Variants in SIM1 observed in about 807,000 individuals in gnomAD.
The protein encoded by SIM1 is single-minded homolog 1.
A neutral mutation model predicts 78.2 loss-of-function variants in SIM1; 18 were observed. The observed-to-expected ratio is 0.23, with a 90% confidence interval of 0.16 to 0.34. SIM1 has a LOEUF of 0.34. Ranked by LOEUF, SIM1 falls within the 10% of genes least tolerant of loss-of-function variation. SIM1 has a pLI of 1.00. For missense variants in SIM1, 939 were observed against 975.1 expected, an observed-to-expected ratio of 0.96 and a Z score of 0.49; for synonymous variants, 417 against 385.2, an observed-to-expected ratio of 1.08 and a Z score of -0.97.
Position 100,450,363 on chromosome 6 carries a change from AG to A in SIM1, c.259-8del, listed in dbSNP as rs1772476338. The A allele has an allele frequency of 6.2e-7, 1 of 1,613,232 alleles. No homozygotes were observed. The highest frequency in any genetic ancestry group is 8.5e-7 in the Non-Finnish European group (1 of 1,179,432). On this transcript the variant is annotated splice_polypyrimidine_tract_variant and splice_region_variant and intron_variant, in intron 3 of 11. Transcript: ENST00000369208. ...AGATGAAGCCATCCAGGGTCTGGGG[AG>A]GCACAAATAGAGAGAATAGAGAGCC...
chr6:100,449,669 A>T lies in SIM1; in HGVS notation c.379T>A (p.Tyr127Asn). The T allele has an allele frequency of 6.2e-7, 1 of 1,614,014 alleles. No individual in the cohort carries two copies. Among genetic ancestry groups the T allele is most frequent in the South Asian group, 1.1e-5 (1 of 91,084 alleles). The change falls in exon 5 of 12, where the codon TAC becomes AAC. Residue 127 changes from tyrosine to asparagine, a missense_variant. Tyr to Asn is a moderately radical substitution (Grantham distance 143, BLOSUM62 -2). This residue lies in a region of SIM1 where 9 missense variants were observed against 28.5 expected (regional missense o/e 0.32). Coordinates refer to ENST00000369208, the MANE Select transcript of SIM1 (RefSeq NM_005068.3). ...TCGTCGTGGTCTGCCGGGTGAATGTATTCATAAATGCTGTTTCCGGTCAGC... is the reference window on the plus strand; with the variant it reads ...TCGTCGTGGTCTGCCGGGTGAATGTTTTCATAAATGCTGTTTCCGGTCAGC... The part of the protein sequence containing the change: ...VELTGNSIYE[Y>N]IHPADHDEMT...
intron 9 of SIM1, among the ~76,000 whole-genome samples, chr6:100,429,876 G>T (rs548565593): frequency 6.6e-6 from 1 of 152,088 alleles, no homozygotes; most frequent in African/African-American, 2.4e-5. Context: ...TTTTCTCAAG[G>T]TTCAGCTCCT....
At chr6:100,445,404 A>T (rs1772329022) in intron 9 of SIM1, among the ~76,000 whole-genome samples, 1 of 152,192 alleles carries the variant, frequency 6.6e-6, no homozygotes, top group South Asian at 2.1e-4. Flanking sequence ...ATGTTTTAAC[A>T]ATGTGCACCA....
intron 9 of SIM1, among the ~76,000 whole-genome samples, chr6:100,430,967 G>A (rs1409805298): frequency 6.6e-6 from 1 of 152,050 alleles, no homozygotes; most frequent in Admixed American, 6.6e-5. Context: ...CATACCCAAG[G>A]CCACAGAGTC....
intron 9 of SIM1, among the ~76,000 whole-genome samples, chr6:100,443,416 C>T (rs1772265168): frequency 1.3e-5 from 2 of 152,102 alleles, no homozygotes; most frequent in African/African-American, 2.4e-5. Context: ...AAATTACTCA[C>T]TAAATCTATT....
chr6:100,446,695 G>A (rs1349794753), intron 9 of SIM1, among the ~76,000 whole-genome samples: 1 of 152,180 alleles, frequency 6.6e-6, no homozygotes, highest in Non-Finnish European at 1.5e-5. Flanking sequence ...TACGCCCCGC[G>A]CGGGGCCTGG....
intron 8 of SIM1, 115 bp downstream of exon 8, chr6:100,448,031 C>A: frequency 1.3e-6 from 1 of 786,908 alleles, no homozygotes; most frequent in Non-Finnish European, 2.0e-6. Context: ...CACCACCACC[C>A]GGCTCCCTGG....
At chr6:100,448,825 G>A in intron 6 of SIM1, 147 bp from the exon 7 acceptor site, 3 of 679,874 alleles carry the variant, frequency 4.4e-6, no homozygotes, top group Non-Finnish European at 7.3e-6. Flanking sequence ...AAAGTTACTG[G>A]TGCTCTAAGG....
At chr6:100,429,280 G>C (rs187470565) in intron 9 of SIM1, among the ~76,000 whole-genome samples, 1 of 151,424 alleles carries the variant, frequency 6.6e-6, no homozygotes, top group Admixed American at 6.6e-5. Context: ...TGAGGCAGGA[G>C]AATCGCTTGA....
chr6:100,420,340 T>C (rs1771540926), intron 10 of SIM1, among the ~76,000 whole-genome samples: 1 of 152,186 alleles, frequency 6.6e-6, no homozygotes, highest in African/African-American at 2.4e-5. Context: ...AAATAGCCAG[T>C]CTGTGTTCAA....
intron 9 of SIM1, among the ~76,000 whole-genome samples, chr6:100,435,444 T>G (rs1262265169): frequency 6.6e-6 from 1 of 152,144 alleles, no homozygotes; most frequent in African/African-American, 2.4e-5. Flanking sequence ...CTAGCTATGT[T>G]GTATTGGCTG....
At chr6:100,446,834 T>TTTC (rs1167930661) in intron 9 of SIM1, among the ~76,000 whole-genome samples, 1 of 152,196 alleles carries the variant, frequency 6.6e-6, no homozygotes, top group East Asian at 1.9e-4. Context: ...ACTCTTAACT[T>TTTC]TGATTGGAGA....
At chr6:100,402,550 ATTTTC>A (rs150459364) in intron 10 of SIM1, among the ~76,000 whole-genome samples, 2 of 72,728 alleles carry the variant, frequency 2.7e-5, no homozygotes, top group Non-Finnish European at 5.4e-5. Context: ...TATTGACATT[ATTTTC>A]TTTTCTTTTC....
Position 100,448,478 on chromosome 6 carries a change from C to G in SIM1, c.743+1G>C. The G allele has an allele frequency of 6.2e-7, 1 of 1,613,604 alleles. No individual in the cohort carries two copies. The highest frequency in any genetic ancestry group is 8.5e-7 in the Non-Finnish European group (1 of 1,179,880). On this transcript the variant is annotated splice_donor_variant, in intron 7 of 11. Coordinates refer to ENST00000369208, the MANE Select transcript of SIM1 (RefSeq NM_005068.3). LOFTEE classifies it high-confidence loss of function. ...GGCCCTTTCCGGCCCTGCCCACCCA[C>G]CTGGAGTCCAGAAAGATGAGCTTCA...
chr6:100,449,380 T>A lies in SIM1; in HGVS notation c.526A>T (p.Thr176Ser). 6.2e-7 allele frequency: 1 copy of A among 1,613,810 alleles called. No homozygotes were observed. The highest frequency in any genetic ancestry group is 8.5e-7 in the Non-Finnish European group (1 of 1,179,842). The part of the protein sequence containing the change: ...CVLAKRNAGL[T>S]CGGYKVIHCS... ...CTACGCACCTTGTAGCCGCCACAGGTGAGGCCGGCGTTACGCTTGGCCAAG... is the reference window on the plus strand; with the variant it reads ...CTACGCACCTTGTAGCCGCCACAGGAGAGGCCGGCGTTACGCTTGGCCAAG... The change falls in exon 6 of 12, where the codon ACC (threonine) becomes TCC (serine). Residue 176 changes from threonine (T) to serine (S), a missense_variant. Coordinates refer to ENST00000369208, the MANE Select transcript of SIM1 (RefSeq NM_005068.3).
At chr6:100,433,430 G>T (rs963332383) in intron 9 of SIM1, among the ~76,000 whole-genome samples, 1 of 152,066 alleles carries the variant, frequency 6.6e-6, no homozygotes, top group Non-Finnish European at 1.5e-5. Flanking sequence ...CACATGGCTG[G>T]CTCCCTTCCT....
Position 100,453,767 on chromosome 6 carries a change from G to A in SIM1, c.253C>T (p.Leu85Phe). Residue 85 changes from leucine (L) to phenylalanine (F), a missense_variant, in exon 3 of 12, where the codon CTC (leucine) becomes TTC (phenylalanine). By Grantham distance (22) the Leu-to-Phe change is conservative. This residue lies in a region of SIM1 where 121 missense variants were observed against 124.6 expected (regional missense o/e 0.97). Transcript: ENST00000369208. ...CGGAAGACCTGCACCTGTACCTGGA[G>A]CAGATGGGAGCCCAGTTCTCGGCCA... is the stretch of plus-strand genomic sequence containing the variant. ...NVGRELGSHL[L>F]QTLDGFIFVV... 1 of 1,610,812 alleles carries A rather than the reference G, an allele frequency of 6.2e-7. No individual in the cohort carries two copies. Among genetic ancestry groups the A allele is most frequent in the East Asian group, 2.2e-5 (1 of 44,466 alleles).
At chr6:100,444,463 T>C (rs1323182304) in intron 9 of SIM1, among the ~76,000 whole-genome samples, 1 of 152,164 alleles carries the variant, frequency 6.6e-6, no homozygotes, top group Non-Finnish European at 1.5e-5. Context: ...TTGTTTTCTT[T>C]TGTTTTGGAG....
intron 10 of SIM1, among the ~76,000 whole-genome samples, chr6:100,400,458 C>T (rs1183121125): frequency 6.6e-6 from 1 of 151,852 alleles, no homozygotes; most frequent in Non-Finnish European, 1.5e-5. Flanking sequence ...TAAAAAAATG[C>T]TTCAACCTGA....
Sources: allele counts gnomAD v4.1 joint callset (sites outside exome capture counted in the v4.1 genomes callset), GRCh38; gene constraint gnomAD v4.1.1; regional missense constraint gnomAD v4.1.1; transcripts MANE v1.5; gene names NCBI Gene and HGNC (gene_info 2026-07-23, HGNC 2026-07-21).